UGT2A1: variants seen among roughly 807,000 people sequenced by gnomAD.
UGT2A1 encodes UDP-glucuronosyltransferase 2A1.
UGT2A1 carries 61 observed loss-of-function variants against 45.4 expected under a neutral mutation model. That is an observed-to-expected ratio of 1.34 (90% CI 1.09 to 1.66). The LOEUF (loss-of-function observed/expected upper bound fraction) is 1.66. Among genes scored for constraint, UGT2A1 ranks in the 40% most tolerant of loss-of-function variants. UGT2A1 has a pLI of 0.00. For missense variants in UGT2A1, 649 were observed against 574.3 expected (o/e 1.13, Z -1.33); for synonymous variants, 229 against 196.2 (o/e 1.17, Z -1.40).
chr4:69,606,742 A>G (rs1316827474), intron 3 of UGT2A1, among the ~76,000 whole-genome samples: 1 of 137,016 alleles, frequency 7.3e-6, no homozygotes. Flanking sequence ...TACAAAATCA[A>G]TGTGCAAAAA....
At chr4:69,612,255 C>T (rs1436558515) in intron 3 of UGT2A1, among the ~76,000 whole-genome samples, 1 of 151,776 alleles carries the variant, frequency 6.6e-6, no homozygotes, top group African/African-American at 2.4e-5. Flanking sequence ...TAAAATTATT[C>T]CATATACTAT....
At chr4:69,629,743 T>C (rs1417139094) in intron 3 of UGT2A1, among the ~76,000 whole-genome samples, 1 of 152,090 alleles carries the variant, frequency 6.6e-6, no homozygotes, top group African/African-American at 2.4e-5. Flanking sequence ...GGGCTACCCT[T>C]CATAGGTCTT....
At chr4:69,596,175 G>C (rs1268721729) in intron 4 of UGT2A1, 1 of 1,377,810 alleles carries the variant, frequency 7.3e-7, no homozygotes. Flanking sequence ...ATTTTCATAT[G>C]GAAAGAACAT....
At chr4:69,618,531 C>T (rs991766473) in intron 3 of UGT2A1, among the ~76,000 whole-genome samples, 25 of 151,698 alleles carry the variant, frequency 1.6e-4, no homozygotes, top group African/African-American at 5.6e-4. Flanking sequence ...ACCATGTGGC[C>T]GTTGAATGAG....
chr4:69,592,464 C>G (rs1432324), intron 6 of UGT2A1, among the ~76,000 whole-genome samples: 1 of 151,596 alleles, frequency 6.6e-6, no homozygotes, highest in Non-Finnish European at 1.5e-5. Context: ...ACAATAATAG[C>G]GGGAGGGTAA....
chr4:69,633,835 T>C (rs904793036), intron 3 of UGT2A1, among the ~76,000 whole-genome samples: 1 of 152,108 alleles, frequency 6.6e-6, no homozygotes, highest in African/African-American at 2.4e-5. Flanking sequence ...GAGTTATGGA[T>C]TGCATTCATG....
chr4:69,600,363 C>T (rs566990553), intron 3 of UGT2A1, among the ~76,000 whole-genome samples: 7 of 152,266 alleles, frequency 4.6e-5, no homozygotes, highest in African/African-American at 1.2e-4. Context: ...AGGGACCTTG[C>T]GGAAGTCTGT....
chr4:69,633,814 G>A (rs780143742), intron 3 of UGT2A1, among the ~76,000 whole-genome samples: 1 of 152,098 alleles, frequency 6.6e-6, no homozygotes, highest in Non-Finnish European at 1.5e-5. Flanking sequence ...ACTGATAAGC[G>A]GATGAAAGAG....
At chr4:69,618,959 C>T (rs968715338) in intron 3 of UGT2A1, among the ~76,000 whole-genome samples, 3 of 151,476 alleles carry the variant, frequency 2.0e-5, no homozygotes, top group Non-Finnish European at 4.4e-5. Flanking sequence ...GTTTAACATA[C>T]TTTAAATTAA....
chr4:69,609,610 G>A (rs6839067), intron 3 of UGT2A1, among the ~76,000 whole-genome samples: 58,083 of 151,962 alleles, frequency 0.38, 11,293 homozygotes, highest in African/African-American at 0.43. Flanking sequence ...CACCCTACTC[G>A]TGAAAGTATA....
chr4:69,650,799 A>G (rs554669409), intron 1 of UGT2A1, among the ~76,000 whole-genome samples: 64 of 152,260 alleles, frequency 4.2e-4, no homozygotes, highest in African/African-American at 1.5e-3. Flanking sequence ...ATGAAATGAC[A>G]TAGGTAAAGT....
chr4:69,639,072 C>G, intron 2 of UGT2A1: 1 of 1,613,410 alleles, frequency 6.2e-7, no homozygotes, highest in Non-Finnish European at 8.5e-7. Flanking sequence ...CCCACAGTGT[C>G]TCTCCACTGT....
In UGT2A1 at chr4:69,647,612, C is replaced by A; in HGVS notation, c.33G>T (p.Gln11His). ...CAAGAGTGGTTCCTATGAGACTTAT[C>A]TGAAGGGAGAACAGCAGAAGGTTGT... MLNNLLLFSLQISLIGTTLGG... is the reference protein window; with the variant it reads MLNNLLLFSLHISLIGTTLGG... Residue 11 changes from glutamine to histidine, a missense_variant, in exon 2 of 7, where the codon CAG (glutamine) becomes CAT (histidine). Coordinates refer to ENST00000286604, the MANE Select transcript of UGT2A1 (RefSeq NM_001252275.3). 1 of 1,598,474 alleles carries A rather than the reference C, an allele frequency of 6.3e-7. No individual in the cohort carries two copies. Among genetic ancestry groups the A allele is most frequent in the Non-Finnish European group, 8.5e-7 (1 of 1,173,310 alleles).
intron 3 of UGT2A1, among the ~76,000 whole-genome samples, chr4:69,618,921 A>T (rs1023018865): frequency 1.3e-5 from 2 of 151,980 alleles, no homozygotes; most frequent in African/African-American, 4.8e-5. Context: ...GAAATTTTTT[A>T]AAAACTCAGG....
At chr4:69,595,078 A>G (rs971973920) in intron 5 of UGT2A1, 84 bp downstream of exon 5, 23 of 1,499,732 alleles carry the variant, frequency 1.5e-5, no homozygotes, top group Admixed American at 3.6e-5. Context: ...ATTATTAAAA[A>G]TGTATTGAAT....
intron 3 of UGT2A1, among the ~76,000 whole-genome samples, chr4:69,619,755 CA>C (rs773792342): frequency 4.7e-4 from 72 of 152,008 alleles, no homozygotes; most frequent in Non-Finnish European, 9.9e-4. Context: ...AAATCCTCAA[CA>C]AAATACTTTC....
intron 1 of UGT2A1, among the ~76,000 whole-genome samples, chr4:69,648,003 T>C (rs149752762): frequency 6.6e-6 from 1 of 151,938 alleles, no homozygotes; most frequent in Non-Finnish European, 1.5e-5. Flanking sequence ...ATCTCAACTC[T>C]ACATTCAGGC....
At chr4:69,638,956 C>G (rs1721882661) in intron 2 of UGT2A1, 1 of 1,612,730 alleles carries the variant, frequency 6.2e-7, no homozygotes, top group Non-Finnish European at 8.5e-7. Flanking sequence ...AATATATAGT[C>G]TTGCAGAGAA....
intron 2 of UGT2A1, among the ~76,000 whole-genome samples, chr4:69,642,869 A>G (rs2109974421): frequency 6.6e-6 from 1 of 151,720 alleles, no homozygotes; most frequent in Admixed American, 6.6e-5. Flanking sequence ...ACAATATGTA[A>G]TGCTTATGGA....
Sources: gnomAD v4.1 joint callset for allele counts (sites outside exome capture counted in the v4.1 genomes callset) on GRCh38, gnomAD v4.1.1 for gene constraint, MANE v1.5 for transcripts, NCBI Gene and HGNC (gene_info 2026-07-23, HGNC 2026-07-21) for gene names.